The following MLXIP variants were observed in gnomAD, a reference collection of about 807,000 sequenced individuals.
The protein encoded by MLXIP is MLX-interacting protein.
MLXIP carries 30 observed loss-of-function variants against 87.2 expected under a neutral mutation model. That is an observed-to-expected ratio of 0.34 (90% CI 0.26 to 0.47). The LOEUF is 0.47. Ranked by LOEUF, MLXIP falls within the 20% of genes least tolerant of loss-of-function variation. The pLI is 1.00. For missense variants in MLXIP, 1,002 were observed against 1,240.1 expected (o/e 0.81, Z 2.88); for synonymous variants, 530 against 514.0 (o/e 1.03, Z -0.42).
chr12:122,123,321 C>G (rs756064803), intron 1 of MLXIP, among the ~76,000 whole-genome samples: 34 of 152,072 alleles, frequency 2.2e-4, no homozygotes, highest in African/African-American at 3.1e-4. Context: ...TCCGGCCCGC[C>G]GTGGCTGGTT....
intron 1 of MLXIP, among the ~76,000 whole-genome samples, chr12:122,104,575 C>CTT (rs751931978): frequency 3.9e-3 from 358 of 91,258 alleles, no homozygotes; most frequent in Non-Finnish European, 4.9e-3. Context: ...ATTACCTTTT[C>CTT]TTTTTTTTTT....
At position 122,141,887 on chromosome 12, in the gene MLXIP, C is replaced by T; in HGVS notation, c.*75C>T. 6.3e-7 allele frequency: 1 copy of T among 1,576,996 alleles called. No homozygotes were observed. Among genetic ancestry groups the T allele is most frequent in the Admixed American group, 1.7e-5 (1 of 57,720 alleles). On this transcript the variant is annotated 3_prime_UTR_variant, in exon 17 of 17. Coordinates refer to ENST00000319080, the MANE Select transcript of MLXIP (RefSeq NM_014938.6). ...CCCATGGAGAGTAGGCTGCGCCCCC[C>T]AGCCCTTCCTGACGCTCAGCCTCGG...
At chr12:122,086,742 A>G (rs1187063529) in intron 1 of MLXIP, among the ~76,000 whole-genome samples, 1 of 151,970 alleles carries the variant, frequency 6.6e-6, no homozygotes, top group Non-Finnish European at 1.5e-5. Flanking sequence ...GGTGCTGGTC[A>G]CCTCATGCTA....
At chr12:122,139,097 C>T (rs376851747) in intron 15 of MLXIP, 159 bp downstream of exon 15, 18 of 741,482 alleles carry the variant, frequency 2.4e-5, no homozygotes, top group African/African-American at 3.8e-5. Flanking sequence ...GAGAGTGGTC[C>T]GGCCTGGCCT....
intron 3 of MLXIP, 119 bp downstream of exon 3, chr12:122,128,087 T>G (rs1565981116): frequency 1.1e-6 from 1 of 884,036 alleles, no homozygotes; most frequent in Non-Finnish European, 1.8e-6. Flanking sequence ...GCGCCTGCCC[T>G]GCGCCATCCA....
intron 7 of MLXIP, 149 bp from the exon 8 acceptor site, chr12:122,132,143 T>C (rs1952992216): frequency 1.7e-6 from 1 of 590,278 alleles, no homozygotes. Context: ...AGGATGGTCT[T>C]GATCTCTTGA....
At chr12:122,103,380 A>G (rs772216610) in intron 1 of MLXIP, among the ~76,000 whole-genome samples, 21 of 151,886 alleles carry the variant, frequency 1.4e-4, no homozygotes, top group Non-Finnish European at 2.2e-4. Flanking sequence ...GCCCGCCACC[A>G]TGCCCGGCTA....
chr12:122,114,092 A>G (rs1429108709), intron 1 of MLXIP, among the ~76,000 whole-genome samples: 1 of 150,096 alleles, frequency 6.7e-6, no homozygotes. Context: ...GGTTCAAGTG[A>G]TTCTCCTGCC....
At chr12:122,117,214 T>A (rs1211423347) in intron 1 of MLXIP, among the ~76,000 whole-genome samples, 1 of 152,150 alleles carries the variant, frequency 6.6e-6, no homozygotes, top group Non-Finnish European at 1.5e-5. Flanking sequence ...GTTCTTTGAA[T>A]GTAAGAAAAA....
At chr12:122,108,693 G>A (rs545336541) in intron 1 of MLXIP, among the ~76,000 whole-genome samples, 17 of 152,220 alleles carry the variant, frequency 1.1e-4, no homozygotes, top group African/African-American at 4.1e-4. Context: ...CTCCTGCAAG[G>A]CCTGTGTTTT....
rs938712474 is a variant in MLXIP, at chr12:122,135,825, C to G, written c.2032+159C>G. 1 of 884,698 alleles carries G rather than the reference C, an allele frequency of 1.1e-6. No individual in the cohort carries two copies. Among genetic ancestry groups the G allele is most frequent in the African/African-American group, 1.7e-5 (1 of 57,416 alleles). The allele number at this position is 884,698 out of a possible 1,614,324, so 54.8% of individuals were successfully genotyped here. A position where few individuals can be genotyped will look rare whatever the true frequency, so the allele number is the denominator to read the frequency against. Reference sequence around the variant, plus strand: ...CTGCTGATAACACAGTCTGGGAACACGCTCTGTGGGTGGCAGGATGAAATG... The same window carrying G: ...CTGCTGATAACACAGTCTGGGAACAGGCTCTGTGGGTGGCAGGATGAAATG... On this transcript the variant is annotated intron_variant, in intron 11 of 16. Coordinates refer to ENST00000319080, the MANE Select transcript of MLXIP (RefSeq NM_014938.6). The surrounding 1 kb of genome is among the most constrained non-coding windows in gnomAD (Gnocchi z 5.3).
intron 7 of MLXIP, among the ~76,000 whole-genome samples, chr12:122,131,542 T>C (rs1176703576): frequency 6.8e-6 from 1 of 146,512 alleles, no homozygotes; most frequent in Admixed American, 7.1e-5. Flanking sequence ...CCTGAACTCC[T>C]GGGCTCAAGC....
rs1025517347 is a variant in MLXIP, at chr12:122,133,589, C to T, written c.1334C>T (p.Pro445Leu). 3 of 1,607,842 alleles carry T rather than the reference C, an allele frequency of 1.9e-6. No homozygotes were observed. In the African/African-American group the frequency reaches 4.0e-5, roughly 22 times the overall value. The change falls in exon 9 of 17, where the codon CCC becomes CTC. Residue 445 changes from proline to leucine, a missense_variant. Pro to Leu is a moderately conservative substitution (Grantham distance 98, BLOSUM62 -3). Transcript: ENST00000319080. The surrounding 1 kb of genome is among the most constrained non-coding windows in gnomAD (Gnocchi z 4.9). ...CTGTCTCCCAGCCCCGCCCCACCGC[C>T]CATCTCCCCCGTGTTACCATTAGTT... ...PLLSPSPAPP[P>L]ISPVLPLVPP... is the part of the protein sequence containing the mutation.
intron 1 of MLXIP, among the ~76,000 whole-genome samples, chr12:122,092,892 C>T (rs1247843560): frequency 2.1e-5 from 2 of 96,218 alleles, no homozygotes; most frequent in Non-Finnish European, 4.5e-5. Context: ...GGCTTTGCTT[C>T]CCCAGTGTGT....
intron 1 of MLXIP, among the ~76,000 whole-genome samples, chr12:122,117,651 G>T (rs1192930469): frequency 1.3e-5 from 2 of 152,206 alleles, no homozygotes; most frequent in Admixed American, 1.3e-4. Context: ...CTTGGACCTT[G>T]CCTGGTCTTT....
intron 1 of MLXIP, among the ~76,000 whole-genome samples, chr12:122,087,812 G>C (rs1952190306): frequency 6.6e-6 from 1 of 152,204 alleles, no homozygotes; most frequent in South Asian, 2.1e-4. Context: ...TCCAGCCTCA[G>C]ACTAGGACGG....
intron 2 of MLXIP, 80 bp downstream of exon 2, chr12:122,127,442 TGCTCC>T: frequency 1.0e-6 from 1 of 977,522 alleles, no homozygotes; most frequent in Non-Finnish European, 1.5e-6. Flanking sequence ...GACCAGAGTC[TGCTCC>T]TGGGACCTGG....
chr12:122,134,235 C>G lies in MLXIP; in HGVS notation c.1732+248C>G, dbSNP rs1953040880. The stretch of plus-strand genomic sequence containing the variant: ...TTTTTTTTTGAGACAGTCTCTGTTG[C>G]CCAGGCTGGAGTGCAGTGGCATAAT... On this transcript the variant is annotated intron_variant, in intron 9 of 16. Transcript: ENST00000319080. 5 of 529,666 alleles carry G rather than the reference C, an allele frequency of 9.4e-6. No individual in the cohort carries two copies. In the Admixed American group the frequency reaches 2.0e-4, roughly 21 times the overall value. 32.8% of individuals were successfully genotyped at this position (529,666 alleles called of 1,614,324 possible).
chr12:122,117,534 A>G (rs1051253963), intron 1 of MLXIP, among the ~76,000 whole-genome samples: 4 of 152,182 alleles, frequency 2.6e-5, no homozygotes, highest in Non-Finnish European at 5.9e-5. Flanking sequence ...CATTGAAACC[A>G]CCTAATAACC....
Sources: gnomAD v4.1 joint callset for allele counts (sites outside exome capture counted in the v4.1 genomes callset) on GRCh38, gnomAD v4.1.1 for gene constraint, Gnocchi (gnomAD v3.1) non-coding constraint, MANE v1.5 for transcripts, NCBI Gene and HGNC (gene_info 2026-07-23, HGNC 2026-07-21) for gene names.